Variants in FSHR observed in about 807,000 individuals in gnomAD.
The protein encoded by FSHR is follicle stimulating hormone receptor.
Under a neutral mutation model 52.1 loss-of-function variants are expected in FSHR, and 46 were observed. That is an observed-to-expected ratio of 0.88 (90% confidence interval 0.70 to 1.13). The LOEUF (loss-of-function observed/expected upper bound fraction) is 1.13. FSHR is among the 50% of genes most tolerant of loss of function. FSHR has a pLI of 0.00. For missense variants in FSHR, 964 were observed against 834.6 expected (o/e 1.16, Z -1.91); for synonymous variants, 399 against 309.6 (o/e 1.29, Z -3.03).
intron 1 of FSHR, among the ~76,000 whole-genome samples, chr2:49,132,178 G>C (rs1572788509): frequency 6.6e-6 from 1 of 152,140 alleles, no homozygotes; most frequent in African/African-American, 2.4e-5. Context: ...ATGATGTACT[G>C]CTTTGTTTAG....
rs542462224 is a variant in FSHR at position 49,038,119 on chromosome 2, T to C, written c.225-17959A>G. ...ATTACAGTCAGCTCAGATTTATGAG[T>C]TCATTAATAGTTCAGGAGGAATAAA... is the stretch of plus-strand genomic sequence containing the variant. On this transcript the variant is annotated intron_variant, in intron 2 of 9. Coordinates refer to ENST00000406846, the MANE Select transcript of FSHR (RefSeq NM_000145.4). Among the ~76,000 whole-genome samples, 5 of 152,186 alleles carry C rather than the reference T, an allele frequency of 3.3e-5. No individual in the cohort carries two copies. The East Asian group carries it at 7.7e-4, about 24-fold the overall frequency.
chr2:48,978,787 T>G (rs919828496), intron 8 of FSHR, among the ~76,000 whole-genome samples: 2 of 152,212 alleles, frequency 1.3e-5, no homozygotes, highest in Non-Finnish European at 2.9e-5. Context: ...TATCTTTCTT[T>G]GTGTGGAACA....
chr2:49,154,194 T>G, intron 1 of FSHR, 72 bp downstream of exon 1: 1 of 1,490,494 alleles, frequency 6.7e-7, no homozygotes, highest in Non-Finnish European at 9.3e-7. Context: ...ATCAGCCTAA[T>G]GTAAAAATAA....
intron 5 of FSHR, 98 bp downstream of exon 5, chr2:48,990,468 G>C (rs1334238619): frequency 1.2e-6 from 1 of 835,832 alleles, no homozygotes; most frequent in Non-Finnish European, 2.1e-6. Flanking sequence ...TACATTTGGA[G>C]GATGTAGACT....
chr2:48,978,588 T>G (rs1367066950), intron 8 of FSHR, among the ~76,000 whole-genome samples: 4 of 152,324 alleles, frequency 2.6e-5, no homozygotes, highest in Middle Eastern at 3.4e-3. Flanking sequence ...GGAAACTGTT[T>G]CCCAAAGAAA....
chr2:48,968,048 T>C (rs1210074484), intron 9 of FSHR, among the ~76,000 whole-genome samples: 3 of 152,218 alleles, frequency 2.0e-5, no homozygotes, highest in Non-Finnish European at 4.4e-5. Flanking sequence ...TTCTCTTTAC[T>C]CTTTCCAGAT....
chr2:48,981,199 T>C (rs984682550), intron 8 of FSHR, among the ~76,000 whole-genome samples: 1 of 152,186 alleles, frequency 6.6e-6, no homozygotes, highest in Non-Finnish European at 1.5e-5. Context: ...TAGCCCTGGG[T>C]CCTTCCTTGT....
At chr2:49,142,016 C>T (rs1672705924) in intron 1 of FSHR, among the ~76,000 whole-genome samples, 1 of 152,210 alleles carries the variant, frequency 6.6e-6, no homozygotes, top group Non-Finnish European at 1.5e-5. Context: ...AGGTGGCATG[C>T]AGCATAGTGA....
chr2:49,020,115 C>G lies in FSHR; in HGVS notation c.270G>C (p.Val90=). 1 of 1,613,716 alleles carries G rather than the reference C, an allele frequency of 6.2e-7. No homozygotes were observed. Among genetic ancestry groups the G allele is most frequent in the Non-Finnish European group, 8.5e-7 (1 of 1,179,688 alleles). Residue 90 remains valine, a synonymous_variant, in exon 3 of 10, where the codon GTG becomes GTC. Transcript: ENST00000406846. ...NDVLEVIEAD[V]FSNLPKLHEI... is the part of the protein sequence containing the mutation. ...CATGTAATTTGGGAAGGTTGGAGAA[C>G]ACATCTGCCTCTATCACCTCCAAGA...
rs774444032 is a variant in FSHR at position 48,983,116 on chromosome 2, C to T, written c.575G>A (p.Gly192Glu). ...IQEIHNCAFNGTQLDELNLSD... is the reference protein window; with the variant it reads ...IQEIHNCAFNETQLDELNLSD... ...TACTTACAGCTCATCTAGTTGGGTT[C>T]CATTGAATGCACAGTTGTGTATTTC... is the stretch of plus-strand genomic sequence containing the variant. Residue 192 changes from glycine (G) to glutamate (E), a missense_variant, in exon 7 of 10, where the codon GGA (glycine) becomes GAA (glutamate). Physicochemically the swap from Gly to Glu is moderately conservative, Grantham distance 98. Coordinates refer to ENST00000406846, the MANE Select transcript of FSHR (RefSeq NM_000145.4). 5.6e-6 allele frequency: 9 copies of T among 1,613,892 alleles called. No individual in the cohort carries two copies. Among genetic ancestry groups the T allele is most frequent in the African/African-American group, 1.3e-5 (1 of 74,890 alleles).
At chr2:49,011,877 A>G (rs1667287779) in intron 4 of FSHR, among the ~76,000 whole-genome samples, 1 of 152,112 alleles carries the variant, frequency 6.6e-6, no homozygotes, top group Non-Finnish European at 1.5e-5. Flanking sequence ...AGCTACTTTT[A>G]ATACTCCTAC....
intron 1 of FSHR, among the ~76,000 whole-genome samples, chr2:49,086,538 C>T (rs1186495653): frequency 6.6e-6 from 1 of 152,228 alleles, no homozygotes; most frequent in East Asian, 1.9e-4. Flanking sequence ...TCACATCTGG[C>T]TTCATTTTAT....
chr2:49,010,423 A>ACATTTTTT (rs1559131793), intron 4 of FSHR, among the ~76,000 whole-genome samples: 2 of 151,988 alleles, frequency 1.3e-5, no homozygotes, highest in South Asian at 4.1e-4. Context: ...TGCTGGATTC[A>ACATTTTTT]GTTTGCCAGT....
chr2:48,975,345 C>T (rs1331195370), intron 8 of FSHR, among the ~76,000 whole-genome samples: 1 of 151,932 alleles, frequency 6.6e-6, no homozygotes, highest in Non-Finnish European at 1.5e-5. Flanking sequence ...AGAGTTATAC[C>T]ATCAATTTCC....
At chr2:49,073,675 T>C (rs371205011) in intron 1 of FSHR, among the ~76,000 whole-genome samples, 1 of 151,986 alleles carries the variant, frequency 6.6e-6, no homozygotes, top group East Asian at 1.9e-4. Flanking sequence ...TGACATTCTT[T>C]ATAGAAATAA....
chr2:49,148,766 C>G (rs997435051), intron 1 of FSHR, among the ~76,000 whole-genome samples: 1 of 151,992 alleles, frequency 6.6e-6, no homozygotes, highest in Admixed American at 6.6e-5. Flanking sequence ...ATAGTACAAA[C>G]AGGAGGCATA....
intron 1 of FSHR, among the ~76,000 whole-genome samples, chr2:49,111,582 T>C (rs752545021): frequency 1.3e-5 from 2 of 152,276 alleles, no homozygotes; most frequent in East Asian, 1.9e-4. Context: ...TGGTGGCTTT[T>C]GTCTGAACAG....
chr2:49,051,170 C>A (rs558375396), intron 2 of FSHR, among the ~76,000 whole-genome samples: 1 of 152,088 alleles, frequency 6.6e-6, no homozygotes, highest in South Asian at 2.1e-4. Context: ...CTGTTTGGGG[C>A]TATTATGAAT....
At chr2:49,100,857 C>G (rs983735183) in intron 1 of FSHR, among the ~76,000 whole-genome samples, 2 of 152,058 alleles carry the variant, frequency 1.3e-5, no homozygotes, top group African/African-American at 4.8e-5. Context: ...AAAGCTGACC[C>G]AAAGGAAGGG....
Sources: gnomAD v4.1 joint callset for allele counts (sites outside exome capture counted in the v4.1 genomes callset) on GRCh38, gnomAD v4.1.1 for gene constraint, MANE v1.5 for transcripts, NCBI Gene and HGNC (gene_info 2026-07-23, HGNC 2026-07-21) for gene names.